Variants in LRRC4C observed in about 807,000 individuals in gnomAD.
LRRC4C encodes leucine rich repeat containing 4C.
Under a neutral mutation model 33.6 loss-of-function variants are expected in LRRC4C, and 5 were observed. The observed-to-expected ratio is 0.15, with a 90% CI of 0.08 to 0.31. LRRC4C has a LOEUF of 0.31. LRRC4C is among the 10% of genes least tolerant of loss of function. The probability of loss-of-function intolerance (pLI) is 1.00; values close to 1 mark genes in which losing one functional copy is unlikely to be tolerated. For missense variants in LRRC4C, 560 were observed against 796.7 expected, an observed-to-expected ratio of 0.70 and a Z score of 3.58; for synonymous variants, 329 against 302.0, an observed-to-expected ratio of 1.09 and a Z score of -0.93.
At chr11:40,369,524 G>A (rs1948358678) in intron 3 of LRRC4C, among the ~76,000 whole-genome samples, 1 of 152,192 alleles carries the variant, frequency 6.6e-6, no homozygotes, top group Non-Finnish European at 1.5e-5. Flanking sequence ...TTTTAGTGGA[G>A]ATGGGGTTTC....
At chr11:40,661,450 A>G (rs1426721031) in intron 2 of LRRC4C, among the ~76,000 whole-genome samples, 1 of 152,200 alleles carries the variant, frequency 6.6e-6, no homozygotes, top group African/African-American at 2.4e-5. Context: ...AATCATATCT[A>G]TTTTTTAAAT....
chr11:41,004,589 T>C (rs1854604320), intron 1 of LRRC4C, among the ~76,000 whole-genome samples: 1 of 152,230 alleles, frequency 6.6e-6, no homozygotes, highest in Admixed American at 6.5e-5. Context: ...TATATTCTTC[T>C]AGAGAATGCT....
chr11:40,578,980 A>G (rs1958341171), intron 3 of LRRC4C, among the ~76,000 whole-genome samples: 1 of 152,180 alleles, frequency 6.6e-6, no homozygotes, highest in African/African-American at 2.4e-5. Flanking sequence ...GATAACTCTT[A>G]AAAATATGTG....
In LRRC4C at chr11:41,225,246, T is replaced by C. The variant is rs530065938; in HGVS notation, c.-496+234185A>G. ...GTATTTGATAGCACAACAGGGTGAC[T>C]ATAGTCCATAATAATTTAACTGTAT... On this transcript the variant is annotated intron_variant, in intron 1 of 6. Transcript: ENST00000528697. Among the ~76,000 whole-genome samples, 185 of 152,204 alleles carry C rather than the reference T, an allele frequency of 1.2e-3. 1 individual carries two copies. The highest frequency in any genetic ancestry group is 4.3e-3 in the African/African-American group (179 of 41,518).
intron 1 of LRRC4C, among the ~76,000 whole-genome samples, chr11:41,034,123 T>C (rs942624245): frequency 2.0e-5 from 3 of 152,046 alleles, no homozygotes; most frequent in African/African-American, 7.2e-5. Context: ...GAAACTTGGA[T>C]TAATGGAATA....
intron 6 of LRRC4C, among the ~76,000 whole-genome samples, chr11:40,135,271 G>A (rs572728767): frequency 6.6e-6 from 1 of 152,250 alleles, no homozygotes; most frequent in African/African-American, 2.4e-5. Flanking sequence ...TTTACTTAAG[G>A]CAGTCCTCAT....
At chr11:40,453,777 A>C (rs1952007970) in intron 3 of LRRC4C, among the ~76,000 whole-genome samples, 1 of 152,178 alleles carries the variant, frequency 6.6e-6, no homozygotes, top group Non-Finnish European at 1.5e-5. Flanking sequence ...AAGAAAGAAA[A>C]ATAGTGATTG....
intron 1 of LRRC4C, among the ~76,000 whole-genome samples, chr11:41,282,748 G>A (rs1189336832): frequency 1.3e-5 from 2 of 152,164 alleles, no homozygotes; most frequent in Non-Finnish European, 2.9e-5. Context: ...GTGGCCTTTA[G>A]GAAGGGATGC....
intron 3 of LRRC4C, among the ~76,000 whole-genome samples, chr11:40,370,222 C>T (rs529686609): frequency 2.8e-4 from 42 of 152,058 alleles, no homozygotes; most frequent in Admixed American, 4.6e-4. Flanking sequence ...GGGTTCTCAG[C>T]CTCTCACTAA....
intron 5 of LRRC4C, among the ~76,000 whole-genome samples, chr11:40,225,498 AC>A (rs1459000984): frequency 2.0e-5 from 3 of 152,142 alleles, no homozygotes; most frequent in African/African-American, 4.8e-5. Context: ...GAGTGAAGCT[AC>A]CTAACTAGTG....
At position 41,357,651 on chromosome 11, in the gene LRRC4C, T is replaced by C. The variant is rs150554452; in HGVS notation, c.-496+101780A>G. ...TGTTGGAATGCAAAATAATTACTAG[T>C]GGCTCACAGATAAATCGTGAACATT... On this transcript the variant is annotated intron_variant, in intron 1 of 6. Coordinates refer to ENST00000528697, the MANE Select transcript of LRRC4C (RefSeq NM_001258419.2). 3.1e-3 allele frequency among the ~76,000 whole-genome samples: 466 copies of C among 152,212 alleles called. 2 individuals carry two copies. The highest frequency in any genetic ancestry group is 0.011 in the African/African-American group (445 of 41,550).
intron 1 of LRRC4C, among the ~76,000 whole-genome samples, chr11:41,098,913 AAAAATTGATAAG>A (rs1308881700): frequency 6.6e-6 from 1 of 152,148 alleles, no homozygotes; most frequent in Non-Finnish European, 1.5e-5. Flanking sequence ...TTTTCTGAAA[AAAAATTGATAAG>A]ATAGAGACGC....
At chr11:40,863,616 C>T (rs1954209144) in intron 2 of LRRC4C, among the ~76,000 whole-genome samples, 1 of 152,060 alleles carries the variant, frequency 6.6e-6, no homozygotes, top group African/African-American at 2.4e-5. Context: ...ATCATAAGCT[C>T]AGAAAATTTT....
At chr11:40,785,233 C>A (rs560221103) in intron 2 of LRRC4C, among the ~76,000 whole-genome samples, 2 of 152,210 alleles carry the variant, frequency 1.3e-5, no homozygotes, top group African/African-American at 2.4e-5. Context: ...TAATGTCAGG[C>A]GAGATTTATG....
intron 1 of LRRC4C, among the ~76,000 whole-genome samples, chr11:41,094,550 A>T (rs1298277858): frequency 1.3e-5 from 2 of 152,008 alleles, no homozygotes; most frequent in African/African-American, 4.8e-5. Context: ...ATAAAAATAA[A>T]AGCACCTACT....
chr11:40,193,249 G>A (rs770452945), intron 5 of LRRC4C, among the ~76,000 whole-genome samples: 3 of 152,190 alleles, frequency 2.0e-5, no homozygotes, highest in Admixed American at 6.5e-5. Context: ...GAAGCTTCCA[G>A]AGGAGGAAGC....
At chr11:40,786,552 T>A (rs932936702) in intron 2 of LRRC4C, among the ~76,000 whole-genome samples, 1 of 151,884 alleles carries the variant, frequency 6.6e-6, no homozygotes, top group Admixed American at 6.6e-5. Flanking sequence ...CCTCTGAGAG[T>A]TTTTTGATTG....
At chr11:40,415,050 G>A (rs575715260) in intron 3 of LRRC4C, among the ~76,000 whole-genome samples, 1 of 152,314 alleles carries the variant, frequency 6.6e-6, no homozygotes, top group Non-Finnish European at 1.5e-5. Context: ...GCCCAGCCAT[G>A]TATTCCATCT....
intron 5 of LRRC4C, among the ~76,000 whole-genome samples, chr11:40,169,083 G>T (rs939956580): frequency 6.6e-6 from 1 of 151,936 alleles, no homozygotes; most frequent in African/African-American, 2.4e-5. Context: ...CTTTAAAAAC[G>T]AATGAGTATG....
Sources: allele counts gnomAD v4.1 joint callset (sites outside exome capture counted in the v4.1 genomes callset), GRCh38; gene constraint gnomAD v4.1.1; transcripts MANE v1.5; gene names NCBI Gene and HGNC (gene_info 2026-07-23, HGNC 2026-07-21).